DSCAM: variants seen among roughly 807,000 people sequenced by gnomAD.
DSCAM encodes cell adhesion molecule DSCAM.
DSCAM carries 47 observed loss-of-function variants against 217.7 expected under a neutral mutation model. The observed-to-expected ratio is 0.22, with a 90% CI of 0.17 to 0.28. The LOEUF (loss-of-function observed/expected upper bound fraction) is 0.28. DSCAM is among the 10% of genes least tolerant of loss of function. DSCAM has a pLI of 1.00. For synonymous variants in DSCAM, 1,056 were observed against 1,015.3 expected (o/e 1.04, Z -0.76); for missense variants, 2,080 against 2,618.3 (o/e 0.79, Z 4.49).
chr21:40,268,490 A>G (rs113222189), intron 11 of DSCAM, among the ~76,000 whole-genome samples: 5,580 of 152,250 alleles, frequency 0.037, 332 homozygotes, highest in African/African-American at 0.13. Flanking sequence ...CATGGAACAG[A>G]AGGACCTTAA....
intron 10 of DSCAM, among the ~76,000 whole-genome samples, chr21:40,279,567 C>A (rs1475597245): frequency 1.3e-5 from 2 of 152,172 alleles, no homozygotes; most frequent in Non-Finnish European, 2.9e-5. Flanking sequence ...GACAGTGTGG[C>A]AATTCCTCAA....
intron 1 of DSCAM, among the ~76,000 whole-genome samples, chr21:40,794,736 A>G (rs72495592): frequency 0.11 from 17,231 of 150,486 alleles, 1,145 homozygotes; most frequent in East Asian, 0.22. Context: ...AAATTATTTG[A>G]ACCCCTTTTT....
chr21:40,384,226 C>T (rs1219726599), intron 3 of DSCAM: 1 of 152,414 alleles, frequency 6.6e-6, no homozygotes, highest in Non-Finnish European at 1.5e-5. Flanking sequence ...AAAAGGTAGA[C>T]ATAAGGGAGG....
At chr21:40,568,885 T>G (rs905575663) in intron 3 of DSCAM, among the ~76,000 whole-genome samples, 1 of 152,152 alleles carries the variant, frequency 6.6e-6, no homozygotes. Context: ...ACGAGGGCTG[T>G]AGCAGGAGGC....
rs148047627 is a variant in DSCAM, at chr21:40,638,642, C to T, written c.508+54168G>A. On this transcript the variant is annotated intron_variant, in intron 3 of 32. Coordinates refer to ENST00000400454, the MANE Select transcript of DSCAM (RefSeq NM_001389.5). ...CACGGCGAGGCTGGGGCTGTAATTA[C>T]GGAATGGGTAGTACTCACTGTTCAC... Among the ~76,000 whole-genome samples the T allele has an allele frequency of 4.3e-4, 65 of 152,236 alleles. 2 individuals carry two copies. The highest frequency in any genetic ancestry group is 6.8e-3 in the Middle Eastern group (2 of 294).
chr21:40,213,939 G>A (rs917514935), intron 11 of DSCAM, among the ~76,000 whole-genome samples: 1 of 152,174 alleles, frequency 6.6e-6, no homozygotes, highest in African/African-American at 2.4e-5. Context: ...AAGGCCCTTG[G>A]CCCAGCCATT....
chr21:40,157,901 C>G (rs2090497082), intron 16 of DSCAM, among the ~76,000 whole-genome samples: 1 of 151,972 alleles, frequency 6.6e-6, no homozygotes, highest in African/African-American at 2.4e-5. Flanking sequence ...ACTATGTTGC[C>G]CAGGCTGGTC....
intron 20 of DSCAM, among the ~76,000 whole-genome samples, chr21:40,106,432 C>CT (rs964162972): frequency 1.3e-5 from 2 of 152,038 alleles, no homozygotes; most frequent in African/African-American, 4.8e-5. Context: ...CTGAAGTTTT[C>CT]TTTTTTGTCA....
intron 14 of DSCAM, among the ~76,000 whole-genome samples, chr21:40,180,899 C>A (rs2090792421): frequency 6.6e-6 from 1 of 151,998 alleles, no homozygotes; most frequent in Non-Finnish European, 1.5e-5. Flanking sequence ...CACTGGGCAC[C>A]TCCACATCCA....
chr21:40,387,473 T>C (rs568032771), intron 3 of DSCAM, among the ~76,000 whole-genome samples: 1 of 152,294 alleles, frequency 6.6e-6, no homozygotes, highest in African/African-American at 2.4e-5. Flanking sequence ...TTGGGATTTG[T>C]AGTCTCACTG....
chr21:40,494,443 T>G (rs543711973), intron 3 of DSCAM, among the ~76,000 whole-genome samples: 1 of 152,120 alleles, frequency 6.6e-6, no homozygotes, highest in African/African-American at 2.4e-5. Flanking sequence ...CAGGAGAAAT[T>G]TTGGAAGATT....
intron 11 of DSCAM, among the ~76,000 whole-genome samples, chr21:40,208,942 C>T (rs533273413): frequency 1.3e-5 from 2 of 152,236 alleles, no homozygotes; most frequent in South Asian, 4.2e-4. Flanking sequence ...AACAAACAGC[C>T]CCTCAAAGAT....
At chr21:40,049,891 G>A (rs916386561) in intron 30 of DSCAM, among the ~76,000 whole-genome samples, 10 of 152,164 alleles carry the variant, frequency 6.6e-5, no homozygotes, top group African/African-American at 2.4e-4. Context: ...GGTTGCCAGT[G>A]CTTTTGTTTT....
rs528832724 is a variant in DSCAM, at chr21:40,496,208, T to G, written c.509-126963A>C. ...TATGAAACCCCATAAGACCCCCAAA[T>G]AGCCAAAGCAATCTTGAGCAAAAGA... On this transcript the variant is annotated intron_variant, in intron 3 of 32. Coordinates refer to ENST00000400454, the MANE Select transcript of DSCAM (RefSeq NM_001389.5). Among the ~76,000 whole-genome samples, 6 of 152,186 alleles carry G rather than the reference T, an allele frequency of 3.9e-5. No individual in the cohort carries two copies. The South Asian group carries it at 1.2e-3, about 32-fold the overall frequency.
At chr21:40,630,437 T>C (rs991741790) in intron 3 of DSCAM, among the ~76,000 whole-genome samples, 1 of 152,126 alleles carries the variant, frequency 6.6e-6, no homozygotes, top group Non-Finnish European at 1.5e-5. Context: ...TAGCTGGGAT[T>C]ACAGGTGCAC....
chr21:40,360,672 C>A (rs1377091742), intron 4 of DSCAM, among the ~76,000 whole-genome samples: 3 of 152,098 alleles, frequency 2.0e-5, no homozygotes, highest in Non-Finnish European at 4.4e-5. Context: ...TTCCAGTATA[C>A]CATGGTGTAT....
In DSCAM at chr21:40,187,686, C is replaced by T. The variant is rs184360817; in HGVS notation, c.2650+205G>A. On this transcript the variant is annotated intron_variant, in intron 13 of 32. Transcript: ENST00000400454. Reference sequence around the variant, plus strand: ...TCTTGACTGGTTCCTCTAAGGGCTTCGTTCCCTGTTTGGGGGCTTTACTTT... The same window carrying T: ...TCTTGACTGGTTCCTCTAAGGGCTTTGTTCCCTGTTTGGGGGCTTTACTTT... 4.6e-5 allele frequency among the ~76,000 whole-genome samples: 7 copies of T among 152,298 alleles called. No individual in the cohort carries two copies. The East Asian group carries it at 7.7e-4, about 17-fold the overall frequency.
intron 28 of DSCAM, among the ~76,000 whole-genome samples, chr21:40,056,418 T>G (rs2089024535): frequency 1.3e-5 from 2 of 152,298 alleles, no homozygotes; most frequent in Admixed American, 1.3e-4. Context: ...AAGCAATTAC[T>G]ATCATAATTT....
chr21:40,482,406 A>T (rs2075990879), intron 3 of DSCAM, among the ~76,000 whole-genome samples: 1 of 152,194 alleles, frequency 6.6e-6, no homozygotes, highest in African/African-American at 2.4e-5. Context: ...TCATCTGTAG[A>T]TATTTCACAC....
Sources: gnomAD v4.1 joint callset for allele counts (sites outside exome capture counted in the v4.1 genomes callset) on GRCh38, gnomAD v4.1.1 for gene constraint, MANE v1.5 for transcripts, NCBI Gene and HGNC (gene_info 2026-07-23, HGNC 2026-07-21) for gene names.